INPP5A: variants seen among roughly 807,000 people sequenced by gnomAD.
INPP5A encodes the protein 43 kDa inositol polyphosphate 5-phophatase.
A neutral mutation model predicts 65.2 loss-of-function variants in INPP5A; 14 were observed. The ratio of observed to expected loss-of-function variants is 0.21; its 90% CI spans 0.14 to 0.34. The LOEUF (loss-of-function observed/expected upper bound fraction) is 0.34. Among genes scored for constraint, INPP5A ranks in the 10% least tolerant of loss-of-function variants. The pLI, the probability that INPP5A is intolerant of heterozygous loss-of-function variation, is 1.00. For synonymous variants in INPP5A, 207 were observed against 208.3 expected (o/e 0.99, Z 0.05); for missense variants, 431 against 545.6 (o/e 0.79, Z 2.09).
intron 2 of INPP5A, 33 bp from the exon 3 acceptor site, chr10:132,645,835 G>A (rs376850593): frequency 6.4e-5 from 99 of 1,549,748 alleles, no homozygotes; most frequent in East Asian, 4.4e-4. Context: ...GGACGGCTCC[G>A]ACGACCCTGA....
At chr10:132,773,418 A>G (rs568522994) in intron 12 of INPP5A, among the ~76,000 whole-genome samples, 1 of 152,362 alleles carries the variant, frequency 6.6e-6, no homozygotes, top group African/African-American at 2.4e-5. Context: ...TGCGCAGACA[A>G]GTCCAACCAG....
chr10:132,597,571 C>T (rs778165432), intron 1 of INPP5A, among the ~76,000 whole-genome samples: 1 of 152,134 alleles, frequency 6.6e-6, no homozygotes, highest in East Asian at 1.9e-4. Flanking sequence ...GCAAGTTAAA[C>T]AATAGTGTTA....
rs60323149 is a variant in INPP5A at position 132,659,998 on chromosome 10, C to G, written c.306+9493C>G. Among the ~76,000 whole-genome samples, 613 of 152,402 alleles carry G rather than the reference C, an allele frequency of 4.0e-3. 2 individuals carry two copies. Among genetic ancestry groups the G allele is most frequent in the African/African-American group, 0.014 (582 of 41,602 alleles). On this transcript the variant is annotated intron_variant, in intron 4 of 15. Coordinates refer to ENST00000368594, the MANE Select transcript of INPP5A (RefSeq NM_005539.5). The surrounding 1 kb of genome is among the most constrained non-coding windows in gnomAD (Gnocchi z 5.5). Reference sequence around the variant, plus strand: ...CATGACACGTGACACAACACATTCTCATGCTCCGCCGACGCGTGACCCACG... The same window carrying G: ...CATGACACGTGACACAACACATTCTGATGCTCCGCCGACGCGTGACCCACG...
intron 8 of INPP5A, among the ~76,000 whole-genome samples, chr10:132,718,950 G>A (rs1376105155): frequency 1.3e-5 from 2 of 148,846 alleles, no homozygotes; most frequent in Non-Finnish European, 3.0e-5. Context: ...TTCTGTCTGG[G>A]CGCCTTAGAC....
chr10:132,568,131 C>T (rs1189636844), intron 1 of INPP5A, among the ~76,000 whole-genome samples: 2 of 140,376 alleles, frequency 1.4e-5, no homozygotes, highest in African/African-American at 5.4e-5. Context: ...GTGGAGGTTA[C>T]GGTGAGCTGA....
intron 6 of INPP5A, among the ~76,000 whole-genome samples, chr10:132,701,144 C>G (rs902131618): frequency 6.6e-6 from 1 of 152,200 alleles, no homozygotes; most frequent in Non-Finnish European, 1.5e-5. Flanking sequence ...TTTATGCCGT[C>G]TTTTAGTAGA....
Position 132,678,914 on chromosome 10 carries a change from C to T in INPP5A, c.307-11478C>T, listed in dbSNP as rs536397372. Among the ~76,000 whole-genome samples, 1 of 152,148 alleles carries T rather than the reference C, an allele frequency of 6.6e-6. No individual in the cohort carries two copies. The highest frequency in any genetic ancestry group is 1.5e-5 in the Non-Finnish European group (1 of 68,022). The stretch of plus-strand genomic sequence containing the variant: ...GGAAAAGGGGAGGCAGCAGAGGTAC[C>T]CTCCTGACAGAAGGGCGCAGCCTCC... On this transcript the variant is annotated intron_variant, in intron 4 of 15. Transcript: ENST00000368594. The surrounding 1 kb of genome is among the most constrained non-coding windows in gnomAD (Gnocchi z 4.1).
At chr10:132,630,189 G>A (rs964871058) in intron 2 of INPP5A, among the ~76,000 whole-genome samples, 3 of 152,148 alleles carry the variant, frequency 2.0e-5, no homozygotes, top group Non-Finnish European at 4.4e-5. Context: ...TGAGGGTAAG[G>A]TGTCCATGAG....
chr10:132,671,383 C>T (rs541632120), intron 4 of INPP5A, among the ~76,000 whole-genome samples: 1 of 146,000 alleles, frequency 6.8e-6, no homozygotes, highest in Non-Finnish European at 1.5e-5. Flanking sequence ...CTTCGGACTC[C>T]GCCCTCCCTG....
At position 132,547,046 on chromosome 10, in the gene INPP5A, C is replaced by G. The variant is rs1039046455; in HGVS notation, c.75+8875C>G. 6.6e-6 allele frequency among the ~76,000 whole-genome samples: 1 copy of G among 152,234 alleles called. No individual in the cohort carries two copies. Among genetic ancestry groups the G allele is most frequent in the Non-Finnish European group, 1.5e-5 (1 of 68,040 alleles). The stretch of plus-strand genomic sequence containing the variant: ...AGGAACCAGAGGAGATTGAAGAACC[C>G]GAGACTTGGCTTTGGCCCAAGTCCC... On this transcript the variant is annotated intron_variant, in intron 1 of 15. Transcript: ENST00000368594. This position sits in a 1 kb window ranked among gnomAD's most constrained non-coding sequence, Gnocchi z 5.5.
intron 11 of INPP5A, among the ~76,000 whole-genome samples, chr10:132,750,366 C>T (rs958296578): frequency 9.9e-5 from 15 of 152,202 alleles, no homozygotes; most frequent in African/African-American, 2.9e-4. Context: ...TCCATGAGCA[C>T]GTGTGTAAAC....
intron 1 of INPP5A, among the ~76,000 whole-genome samples, chr10:132,562,964 C>T (rs114927531): frequency 6.8e-4 from 103 of 152,312 alleles, no homozygotes; most frequent in African/African-American, 2.2e-3. Flanking sequence ...CTGGCCATGC[C>T]GGCTGCTCTG....
At chr10:132,626,722 G>A (rs904547226) in intron 2 of INPP5A, among the ~76,000 whole-genome samples, 5 of 152,238 alleles carry the variant, frequency 3.3e-5, no homozygotes, top group Admixed American at 3.3e-4. Flanking sequence ...GGCTTGCTGT[G>A]GAATGCACAC....
At chr10:132,662,226 G>A (rs927221428) in intron 4 of INPP5A, among the ~76,000 whole-genome samples, 1 of 152,118 alleles carries the variant, frequency 6.6e-6, no homozygotes, top group Non-Finnish European at 1.5e-5. Flanking sequence ...TAAAACATGC[G>A]AAAACATGGA....
chr10:132,540,389 T>G (rs1268520849), intron 1 of INPP5A, among the ~76,000 whole-genome samples: 1 of 152,280 alleles, frequency 6.6e-6, no homozygotes, highest in Non-Finnish European at 1.5e-5. Flanking sequence ...TATGTTTATG[T>G]TTAGAAGGAA....
At chr10:132,702,768 T>A (rs558933889) in intron 6 of INPP5A, among the ~76,000 whole-genome samples, 181 of 152,354 alleles carry the variant, frequency 1.2e-3, no homozygotes, top group African/African-American at 4.2e-3. Flanking sequence ...TTCCACAGTG[T>A]GCTCTGGGGC....
Position 132,749,801 on chromosome 10 carries a change from G to A in INPP5A, c.859G>A (p.Asp287Asn), listed in dbSNP as rs144665059. ...GCTCCAGTTAGAAAAGAAACTCTTC[G>A]ACTACTTCAACCAGGAGGTTTTCCG... ...VMLQLEKKLF[D>N]YFNQEVFRDN... Residue 287 changes from aspartate to asparagine, a missense_variant, in exon 11 of 16, where the codon GAC becomes AAC. Transcript: ENST00000368594. 9.7e-5 allele frequency: 157 copies of A among 1,613,112 alleles called. No individual in the cohort carries two copies. The African/African-American group carries it at 1.4e-3, about 14-fold the overall frequency.
chr10:132,635,768 C>G (rs1215498557), intron 2 of INPP5A, among the ~76,000 whole-genome samples: 1 of 150,818 alleles, frequency 6.6e-6, no homozygotes, highest in Non-Finnish European at 1.5e-5. Flanking sequence ...AGTTTGAGAC[C>G]AGCCTGAGCA....
intron 1 of INPP5A, among the ~76,000 whole-genome samples, chr10:132,572,440 C>T (rs1412469177): frequency 2.0e-5 from 3 of 152,106 alleles, no homozygotes; most frequent in Admixed American, 6.5e-5. Flanking sequence ...TGGGGCCTTT[C>T]GTAGGGCTGT....
Sources: allele counts gnomAD v4.1 joint callset (sites outside exome capture counted in the v4.1 genomes callset), GRCh38; gene constraint gnomAD v4.1.1; non-coding constraint Gnocchi (gnomAD v3.1); transcripts MANE v1.5; gene names NCBI Gene and HGNC (gene_info 2026-07-23, HGNC 2026-07-21).